The following ASPH variants were observed in gnomAD, a reference collection of about 807,000 sequenced individuals.
ASPH encodes aspartyl/asparaginyl beta-hydroxylase.
A neutral mutation model predicts 118.4 loss-of-function variants in ASPH; 100 were observed. The ratio of observed to expected loss-of-function variants is 0.84; its 90% CI spans 0.72 to 1.00. ASPH has a LOEUF of 1.00. Ranked by LOEUF, ASPH falls within the 50% of genes least tolerant of loss-of-function variation. The probability of loss-of-function intolerance (pLI) is 0.00; values close to 1 mark genes in which losing one functional copy is unlikely to be tolerated. For synonymous variants in ASPH, 315 were observed against 325.6 expected (o/e 0.97, Z 0.35); for missense variants, 920 against 919.5 (o/e 1.00, Z -0.01).
chr8:61,687,090 TA>T (rs937218607), intron 1 of ASPH, among the ~76,000 whole-genome samples: 3 of 149,724 alleles, frequency 2.0e-5, no homozygotes, highest in South Asian at 4.2e-4. Flanking sequence ...GACCCTTTCT[TA>T]AAAAAAAAAT....
At chr8:61,573,940 A>G (rs1046434522) in intron 16 of ASPH, among the ~76,000 whole-genome samples, 1 of 152,240 alleles carries the variant, frequency 6.6e-6, no homozygotes, top group African/African-American at 2.4e-5. Context: ...AAATTTTTGC[A>G]ATCTACCTGT....
chr8:61,709,023 T>C (rs191665429), intron 1 of ASPH, among the ~76,000 whole-genome samples: 91 of 152,236 alleles, frequency 6.0e-4, no homozygotes, highest in Admixed American at 2.0e-3. Context: ...CTTCAAAAGA[T>C]GATTTTCTTT....
At chr8:61,519,042 G>A (rs1293520509) in intron 22 of ASPH, among the ~76,000 whole-genome samples, 1 of 152,152 alleles carries the variant, frequency 6.6e-6, no homozygotes, top group Non-Finnish European at 1.5e-5. Flanking sequence ...TGAGCTTGCC[G>A]AATAGCAACA....
intron 8 of ASPH, 143 bp from the exon 9 acceptor site, chr8:61,643,576 A>T: frequency 1.2e-6 from 1 of 821,798 alleles, no homozygotes; most frequent in East Asian, 2.6e-5. Flanking sequence ...ATTTAAGCTG[A>T]ATAACGTTCC....
intron 3 of ASPH, among the ~76,000 whole-genome samples, chr8:61,655,079 T>C (rs1364557183): frequency 6.6e-6 from 1 of 152,150 alleles, no homozygotes; most frequent in Non-Finnish European, 1.5e-5. Flanking sequence ...AGCTTAAGAA[T>C]CTCAAGAATC....
chr8:61,579,586 G>A (rs1037370994), intron 15 of ASPH: 2 of 1,523,680 alleles, frequency 1.3e-6, no homozygotes, highest in African/African-American at 2.7e-5. Context: ...AGCCGCACCA[G>A]TTCCTCCAGG....
At chr8:61,676,130 T>C in intron 3 of ASPH, 1 of 1,599,492 alleles carries the variant, frequency 6.3e-7, no homozygotes, top group Middle Eastern at 1.7e-4. Context: ...CCCTTCATTC[T>C]GTGACGTACC....
At chr8:61,612,431 T>C (rs1381624930) in intron 14 of ASPH, among the ~76,000 whole-genome samples, 1 of 151,412 alleles carries the variant, frequency 6.6e-6, no homozygotes, top group Non-Finnish European at 1.5e-5. Context: ...TTGAGGGCAG[T>C]GGTGTGATTT....
intron 3 of ASPH, chr8:61,662,780 G>C (rs1206460940): frequency 2.2e-6 from 2 of 904,430 alleles, no homozygotes; most frequent in Non-Finnish European, 2.6e-6. Flanking sequence ...TTCAATTCTT[G>C]AGCTAACAGT....
At chr8:61,700,914 T>C (rs1835096498) in intron 1 of ASPH, among the ~76,000 whole-genome samples, 1 of 152,236 alleles carries the variant, frequency 6.6e-6, no homozygotes, top group Non-Finnish European at 1.5e-5. Flanking sequence ...CATTTCTTTA[T>C]AGTTATTTAA....
chr8:61,510,513 C>T (rs1285426475), intron 24 of ASPH, among the ~76,000 whole-genome samples: 1 of 152,168 alleles, frequency 6.6e-6, no homozygotes, highest in African/African-American at 2.4e-5. Flanking sequence ...TTACTATTGC[C>T]AGAGAAAAAT....
intron 10 of ASPH, among the ~76,000 whole-genome samples, chr8:61,640,420 C>G (rs1370216754): frequency 6.6e-6 from 1 of 152,158 alleles, no homozygotes; most frequent in Non-Finnish European, 1.5e-5. Context: ...CCCATTTCAC[C>G]ACCTCAGCCT....
intron 14 of ASPH, among the ~76,000 whole-genome samples, chr8:61,604,838 CAG>C (rs1169014909): frequency 5.3e-5 from 8 of 152,220 alleles, no homozygotes; most frequent in African/African-American, 1.4e-4. Flanking sequence ...CAGGCAGACT[CAG>C]GGGAGGAAGC....
intron 3 of ASPH, among the ~76,000 whole-genome samples, chr8:61,666,489 A>C (rs533782235): frequency 1.3e-5 from 2 of 152,350 alleles, no homozygotes; most frequent in South Asian, 4.1e-4. Flanking sequence ...ATTTAAGCAG[A>C]AACAAAGAAA....
chr8:61,533,101 C>CT (rs1267883259), intron 21 of ASPH, among the ~76,000 whole-genome samples: 21 of 149,532 alleles, frequency 1.4e-4, no homozygotes, highest in African/African-American at 5.0e-4. Context: ...TTCATTTCTT[C>CT]TTCTTTTTTT....
intron 1 of ASPH, among the ~76,000 whole-genome samples, chr8:61,701,695 G>A (rs1334781560): frequency 6.6e-6 from 1 of 152,016 alleles, no homozygotes; most frequent in Non-Finnish European, 1.5e-5. Context: ...AAGAAAATAA[G>A]CATTATATTT....
intron 10 of ASPH, among the ~76,000 whole-genome samples, chr8:61,641,765 A>G (rs1805238874): frequency 6.6e-6 from 1 of 152,084 alleles, no homozygotes; most frequent in South Asian, 2.1e-4. Context: ...ACCCTATGTT[A>G]CTCATAATTG....
chr8:61,665,258 T>C, intron 3 of ASPH: 1 of 1,589,582 alleles, frequency 6.3e-7, no homozygotes. Context: ...GCTTTAGCCG[T>C]TTCTTTTCTG....
At chr8:61,695,642 G>C (rs1833750322) in intron 1 of ASPH, among the ~76,000 whole-genome samples, 3 of 152,142 alleles carry the variant, frequency 2.0e-5, no homozygotes, top group Admixed American at 2.0e-4. Flanking sequence ...CTGCTACTTA[G>C]ACAACTATAC....
Sources: allele counts gnomAD v4.1 joint callset (sites outside exome capture counted in the v4.1 genomes callset), GRCh38; gene constraint gnomAD v4.1.1; transcripts MANE v1.5; gene names NCBI Gene and HGNC (gene_info 2026-07-23, HGNC 2026-07-21).